NRG3: variants seen among roughly 807,000 people sequenced by gnomAD.
NRG3 encodes neuregulin 3.
Under a neutral mutation model 66.9 loss-of-function variants are expected in NRG3, and 31 were observed. The ratio of observed to expected loss-of-function variants is 0.46; its 90% CI spans 0.35 to 0.63. The LOEUF (loss-of-function observed/expected upper bound fraction) is 0.63. Ranked by LOEUF, NRG3 falls within the 20% of genes least tolerant of loss-of-function variation. NRG3 has a pLI of 0.00. For missense variants in NRG3, 910 were observed against 878.9 expected (o/e 1.04, Z -0.45); for synonymous variants, 393 against 359.4 (o/e 1.09, Z -1.06).
chr10:82,012,819 C>A lies in NRG3; in HGVS notation c.823+136656C>A, dbSNP rs77212065. On this transcript the variant is annotated intron_variant, in intron 1 of 8. Transcript: ENST00000372141. Reference sequence around the variant, plus strand: ...CTTTGCTCCAATTACCAAAAAGTTTCTTATCTTCATCTGAGACCACCTCAA... The same window carrying A: ...CTTTGCTCCAATTACCAAAAAGTTTATTATCTTCATCTGAGACCACCTCAA... Among the ~76,000 whole-genome samples the A allele has an allele frequency of 7.9e-3, 1,210 of 152,268 alleles. 12 individuals carry two copies. Among genetic ancestry groups the A allele is most frequent in the Admixed American group, 1.0e-2 (153 of 15,302 alleles).
At chr10:82,463,699 A>T (rs943083104) in intron 2 of NRG3, among the ~76,000 whole-genome samples, 2 of 152,234 alleles carry the variant, frequency 1.3e-5, no homozygotes, top group Non-Finnish European at 2.9e-5. Context: ...GGGCAAAGTC[A>T]TGCAGCTACC....
At chr10:82,299,549 GT>G (rs757766628) in intron 1 of NRG3, among the ~76,000 whole-genome samples, 128 of 147,464 alleles carry the variant, frequency 8.7e-4, no homozygotes, top group Middle Eastern at 3.5e-3. Context: ...ATCCAGCCCT[GT>G]TTTTTTTTTT....
chr10:82,102,050 ATG>A (rs1262433476), intron 1 of NRG3, among the ~76,000 whole-genome samples: 2 of 136,420 alleles, frequency 1.5e-5, no homozygotes, highest in African/African-American at 5.3e-5. Flanking sequence ...TATAAATGTA[ATG>A]TGTGTGTATA....
At chr10:82,654,012 G>A (rs1202003238) in intron 2 of NRG3, among the ~76,000 whole-genome samples, 2 of 152,282 alleles carry the variant, frequency 1.3e-5, no homozygotes, top group Middle Eastern at 3.4e-3. Context: ...TAGCTGAAAA[G>A]TAAGCTGCAC....
At chr10:82,902,267 T>C (rs527288533) in intron 4 of NRG3, among the ~76,000 whole-genome samples, 4 of 152,292 alleles carry the variant, frequency 2.6e-5, no homozygotes, top group Admixed American at 1.3e-4. Flanking sequence ...GAGGGAATGT[T>C]TGAAGATCAT....
chr10:82,965,961 T>G (rs2132510530), intron 6 of NRG3, among the ~76,000 whole-genome samples: 2 of 152,288 alleles, frequency 1.3e-5, no homozygotes, highest in Admixed American at 1.3e-4. Flanking sequence ...GTGTACTTTT[T>G]TAATCATTTA....
At chr10:82,359,005 T>A in intron 2 of NRG3, 137 bp downstream of exon 2, 2 of 1,253,130 alleles carry the variant, frequency 1.6e-6, no homozygotes, top group Non-Finnish European at 2.2e-6. Flanking sequence ...TTGCGAGTCT[T>A]AATTTGGAAA....
chr10:82,261,320 C>T (rs753843745), intron 1 of NRG3, among the ~76,000 whole-genome samples: 11 of 152,170 alleles, frequency 7.2e-5, no homozygotes, highest in African/African-American at 2.7e-4. Context: ...AGGTCAGTGC[C>T]TGCTTCCCCT....
At chr10:82,931,108 A>G (rs1847537157) in intron 4 of NRG3, among the ~76,000 whole-genome samples, 1 of 152,160 alleles carries the variant, frequency 6.6e-6, no homozygotes, top group Non-Finnish European at 1.5e-5. Flanking sequence ...CCCCTCCACT[A>G]ACTGCTTTGT....
chr10:82,408,161 A>G (rs1035400550), intron 2 of NRG3, among the ~76,000 whole-genome samples: 3 of 151,956 alleles, frequency 2.0e-5, no homozygotes, highest in African/African-American at 7.3e-5. Flanking sequence ...AAAGAAAAGT[A>G]ACAATTTGGA....
intron 2 of NRG3, among the ~76,000 whole-genome samples, chr10:82,694,532 ATT>A (rs1331087205): frequency 6.6e-6 from 1 of 152,010 alleles, no homozygotes; most frequent in Non-Finnish European, 1.5e-5. Context: ...AGGCCAGCAG[ATT>A]GTTTGAGGCT....
chr10:82,246,608 A>G (rs2077254902), intron 1 of NRG3, among the ~76,000 whole-genome samples: 2 of 152,226 alleles, frequency 1.3e-5, no homozygotes, highest in Non-Finnish European at 2.9e-5. Context: ...AACTGAATAT[A>G]AATCTCAATA....
At chr10:82,594,956 A>AT (rs1417719829) in intron 2 of NRG3, among the ~76,000 whole-genome samples, 1 of 151,728 alleles carries the variant, frequency 6.6e-6, no homozygotes, top group Non-Finnish European at 1.5e-5. Context: ...TATCCAATTT[A>AT]TTTTTCTTTT....
chr10:82,614,944 A>G (rs951576446), intron 2 of NRG3, among the ~76,000 whole-genome samples: 2 of 151,770 alleles, frequency 1.3e-5, no homozygotes, highest in East Asian at 1.9e-4. Context: ...TCCGGGGACC[A>G]TGCTTTCAAG....
intron 4 of NRG3, among the ~76,000 whole-genome samples, chr10:82,882,231 GGT>G (rs1842365814): frequency 6.6e-6 from 1 of 152,094 alleles, no homozygotes; most frequent in South Asian, 2.1e-4. Context: ...GCTAGATTAT[GGT>G]GTCACCATGG....
At chr10:82,505,876 A>T (rs1335389211) in intron 2 of NRG3, among the ~76,000 whole-genome samples, 2 of 152,204 alleles carry the variant, frequency 1.3e-5, no homozygotes, top group Admixed American at 6.5e-5. Flanking sequence ...CTATCTCCTA[A>T]CAATTGTATT....
chr10:82,211,326 A>T (rs1288436653), intron 1 of NRG3, among the ~76,000 whole-genome samples: 1 of 152,098 alleles, frequency 6.6e-6, no homozygotes, highest in African/African-American at 2.4e-5. Context: ...TTGGTCCTAG[A>T]TTTCTTTTTC....
chr10:82,969,842 A>G lies in NRG3; in HGVS notation c.1285-3946A>G, dbSNP rs552743001. On this transcript the variant is annotated intron_variant, in intron 6 of 8. Transcript: ENST00000372141. ...AACACACACATGCAAATGCACACAG[A>G]AAAATATATGTACATACAAAATCTG... Among the ~76,000 whole-genome samples the G allele has an allele frequency of 1.4e-4, 22 of 152,352 alleles. 1 individual carries two copies. Among genetic ancestry groups the G allele is most frequent in the African/African-American group, 5.3e-4 (22 of 41,592 alleles).
chr10:82,001,272 A>G (rs2061157248), intron 1 of NRG3, among the ~76,000 whole-genome samples: 1 of 151,796 alleles, frequency 6.6e-6, no homozygotes, highest in Admixed American at 6.6e-5. Context: ...GGAGGCCAAG[A>G]TGGGCAGATC....
Sources: allele counts gnomAD v4.1 joint callset (sites outside exome capture counted in the v4.1 genomes callset), GRCh38; gene constraint gnomAD v4.1.1; transcripts MANE v1.5; gene names NCBI Gene and HGNC (gene_info 2026-07-23, HGNC 2026-07-21).